SH3GL2: variants seen among roughly 807,000 people sequenced by gnomAD.
SH3GL2 encodes the protein SH3 domain containing GRB2 like 2, endophilin A1, also known as endophilin-A1.
A neutral mutation model predicts 46.0 loss-of-function variants in SH3GL2; 24 were observed. The observed-to-expected ratio is 0.52, with a 90% confidence interval of 0.38 to 0.73. SH3GL2 has a LOEUF of 0.73. SH3GL2 is among the 30% of genes least tolerant of loss of function. The probability of loss-of-function intolerance (pLI) is 0.00; values close to 1 mark genes in which losing one functional copy is unlikely to be tolerated. For missense variants in SH3GL2, 413 were observed against 424.2 expected (o/e 0.97, Z 0.23); for synonymous variants, 196 against 147.1 (o/e 1.33, Z -2.40).
intron 2 of SH3GL2, among the ~76,000 whole-genome samples, chr9:17,751,724 A>C (rs769201498): frequency 6.6e-6 from 1 of 152,024 alleles, no homozygotes; most frequent in Non-Finnish European, 1.5e-5. Context: ...ATCTCTCTCA[A>C]ATGGGGAGAG....
At chr9:17,634,082 G>A (rs574391506) in intron 1 of SH3GL2, among the ~76,000 whole-genome samples, 1 of 152,224 alleles carries the variant, frequency 6.6e-6, no homozygotes, top group African/African-American at 2.4e-5. Flanking sequence ...GACTCTTGAT[G>A]TGGAGTCCTG....
chr9:17,600,850 G>A (rs149452143), intron 1 of SH3GL2, among the ~76,000 whole-genome samples: 8 of 152,196 alleles, frequency 5.3e-5, no homozygotes, highest in Admixed American at 1.3e-4. Flanking sequence ...GGGAGAAAGA[G>A]ATATGTTATT....
rs570562313 is a variant in SH3GL2 at position 17,608,355 on chromosome 9, C to G, written c.45+29068C>G. On this transcript the variant is annotated intron_variant, in intron 1 of 8. Coordinates refer to ENST00000380607, the MANE Select transcript of SH3GL2 (RefSeq NM_003026.5). ...TAGAGACAGGGTTTCACCGTGTTAG[C>G]CGGGATGGTCTCGATCTCCTGACCT... Among the ~76,000 whole-genome samples, 163 of 152,040 alleles carry G rather than the reference C, an allele frequency of 1.1e-3. 1 individual carries two copies. Among genetic ancestry groups the G allele is most frequent in the African/African-American group, 3.8e-3 (157 of 41,474 alleles).
At chr9:17,580,474 G>A (rs140506669) in intron 1 of SH3GL2, among the ~76,000 whole-genome samples, 2 of 152,200 alleles carry the variant, frequency 1.3e-5, no homozygotes, top group Admixed American at 6.5e-5. Context: ...GTGTTTGCAC[G>A]CATCTGCATC....
rs1274398871 is a variant in SH3GL2 at position 17,627,954 on chromosome 9, C to A, written c.45+48667C>A. ...ACCTCTTCATGTCTCGGGCTTCTTA[C>A]TTTTCTCCTGGTGTTGTTGAGTGTA... On this transcript the variant is annotated intron_variant, in intron 1 of 8. Transcript: ENST00000380607. 6.6e-5 allele frequency among the ~76,000 whole-genome samples: 10 copies of A among 152,216 alleles called. No individual in the cohort carries two copies. The East Asian group carries it at 1.7e-3, about 26-fold the overall frequency.
At chr9:17,731,002 C>G (rs1181968252) in intron 1 of SH3GL2, among the ~76,000 whole-genome samples, 1 of 152,094 alleles carries the variant, frequency 6.6e-6, no homozygotes. Flanking sequence ...GCATGCAAAA[C>G]TTTCAGAGAG....
At position 17,795,731 on chromosome 9, in the gene SH3GL2, C is replaced by T. The variant is rs745745141; in HGVS notation, c.1047C>T (p.Ala349=). ...FPINYVEILV[A]LPH is the part of the protein sequence containing the mutation. ...TCAATTATGTGGAAATTCTGGTTGC[C>T]CTGCCCCATTAGGATGTTATGCTGG... Residue 349 remains alanine (A), a synonymous_variant, in exon 9 of 9, where the codon GCC becomes GCT. Coordinates refer to ENST00000380607, the MANE Select transcript of SH3GL2 (RefSeq NM_003026.5). 2 of 1,613,454 alleles carry T rather than the reference C, an allele frequency of 1.2e-6. No individual in the cohort carries two copies. Among genetic ancestry groups the T allele is most frequent in the Non-Finnish European group, 1.7e-6 (2 of 1,179,614 alleles).
At chr9:17,752,418 T>G (rs1822872336) in intron 2 of SH3GL2, among the ~76,000 whole-genome samples, 2 of 152,224 alleles carry the variant, frequency 1.3e-5, no homozygotes, top group African/African-American at 4.8e-5. Flanking sequence ...GCCTTTTTAA[T>G]ATTTCTTTTA....
chr9:17,749,819 A>G (rs1372718736), intron 2 of SH3GL2, among the ~76,000 whole-genome samples: 1 of 152,244 alleles, frequency 6.6e-6, no homozygotes, highest in African/African-American at 2.4e-5. Context: ...GCAAATACCA[A>G]CAGACCTTCC....
intron 3 of SH3GL2, among the ~76,000 whole-genome samples, chr9:17,763,320 A>G (rs1404114788): frequency 6.6e-6 from 1 of 152,138 alleles, no homozygotes; most frequent in African/African-American, 2.4e-5. Flanking sequence ...CTAAACTTAT[A>G]AGGAATGTGA....
At chr9:17,778,664 G>A (rs1349852125) in intron 3 of SH3GL2, among the ~76,000 whole-genome samples, 4 of 152,134 alleles carry the variant, frequency 2.6e-5, no homozygotes, top group African/African-American at 4.8e-5. Context: ...GGGGGCAAGC[G>A]TGGAAGCAGG....
At chr9:17,750,021 A>C (rs1456189119) in intron 2 of SH3GL2, among the ~76,000 whole-genome samples, 3 of 152,090 alleles carry the variant, frequency 2.0e-5, no homozygotes, top group Admixed American at 2.0e-4. Context: ...GCAGTGTGGC[A>C]ATTGTTTTAC....
At chr9:17,736,189 T>C (rs1021448214) in intron 1 of SH3GL2, among the ~76,000 whole-genome samples, 2 of 152,122 alleles carry the variant, frequency 1.3e-5, no homozygotes, top group Non-Finnish European at 2.9e-5. Flanking sequence ...TGTGTTTATA[T>C]GTGTGTGTAT....
intron 1 of SH3GL2, among the ~76,000 whole-genome samples, chr9:17,637,198 A>G (rs3808731): frequency 0.23 from 35,441 of 152,152 alleles, 4,801 homozygotes; most frequent in East Asian, 0.45. Flanking sequence ...GGTATGATGT[A>G]TTTCAGCCCA....
intron 1 of SH3GL2, among the ~76,000 whole-genome samples, chr9:17,647,838 C>T (rs571052776): frequency 6.6e-6 from 1 of 152,148 alleles, no homozygotes; most frequent in Admixed American, 6.5e-5. Flanking sequence ...GAACAACACA[C>T]GTTTGAACTG....
intron 1 of SH3GL2, among the ~76,000 whole-genome samples, chr9:17,596,844 T>C (rs967323403): frequency 2.0e-5 from 3 of 152,174 alleles, no homozygotes; most frequent in Admixed American, 2.0e-4. Context: ...CTTTTGCCTT[T>C]CTCCCAAAGA....
At chr9:17,773,445 C>G (rs1209445545) in intron 3 of SH3GL2, among the ~76,000 whole-genome samples, 1 of 152,092 alleles carries the variant, frequency 6.6e-6, no homozygotes, top group Non-Finnish European at 1.5e-5. Flanking sequence ...AGTTTTAGAT[C>G]TTACAGCTAG....
At chr9:17,644,629 G>A (rs577598237) in intron 1 of SH3GL2, among the ~76,000 whole-genome samples, 4 of 152,102 alleles carry the variant, frequency 2.6e-5, no homozygotes, top group Admixed American at 6.5e-5. Context: ...GTAGTCGTGC[G>A]GTTTTGAGTG....
At chr9:17,669,668 C>T (rs1820425376) in intron 1 of SH3GL2, among the ~76,000 whole-genome samples, 1 of 152,078 alleles carries the variant, frequency 6.6e-6, no homozygotes. Context: ...TTTTGAAGGA[C>T]ACCGGGGTTG....
Sources: gnomAD v4.1 joint callset for allele counts (sites outside exome capture counted in the v4.1 genomes callset) on GRCh38, gnomAD v4.1.1 for gene constraint, MANE v1.5 for transcripts, NCBI Gene and HGNC (gene_info 2026-07-23, HGNC 2026-07-21) for gene names.